PHACTR1: variants seen among roughly 807,000 people sequenced by gnomAD.
The protein encoded by PHACTR1 is phosphatase and actin regulator 1.
Under a neutral mutation model 69.2 loss-of-function variants are expected in PHACTR1, and 16 were observed. That is an observed-to-expected ratio of 0.23 (90% CI 0.16 to 0.35). The LOEUF (loss-of-function observed/expected upper bound fraction) is 0.35, where lower values mean the gene tolerates loss of function less well. Ranked by LOEUF, PHACTR1 falls within the 10% of genes least tolerant of loss-of-function variation. The pLI is 1.00. For synonymous variants in PHACTR1, 312 were observed against 284.5 expected (o/e 1.10, Z -0.97); for missense variants, 510 against 734.7 (o/e 0.69, Z 3.54).
chr6:12,886,074 G>T (rs1308417336), intron 4 of PHACTR1, among the ~76,000 whole-genome samples: 1 of 152,102 alleles, frequency 6.6e-6, no homozygotes, highest in African/African-American at 2.4e-5. Context: ...CAGCGTGGGT[G>T]ACAGGGTGAG....
Position 12,717,597 on chromosome 6 carries a change from G to T in PHACTR1, c.-193G>T, listed in dbSNP as rs1171387729. 6.6e-6 allele frequency: 1 copy of T among 152,116 alleles called. No individual in the cohort carries two copies. The highest frequency in any genetic ancestry group is 1.9e-4 in the East Asian group (1 of 5,192). The allele number at this position is 152,116 out of a possible 1,614,324, so 9.4% of individuals were successfully genotyped here. A position where few individuals can be genotyped will look rare whatever the true frequency, so the allele number is the denominator to read the frequency against. On this transcript the variant is annotated 5_prime_UTR_variant, in exon 2 of 15. Coordinates refer to ENST00000332995, the MANE Select transcript of PHACTR1 (RefSeq NM_030948.6). ...TTTATCTGATAAAGGAAGTCCAGTGGACTGTATGCATTATTCATCACTGTT... is the reference window on the plus strand; with the variant it reads ...TTTATCTGATAAAGGAAGTCCAGTGTACTGTATGCATTATTCATCACTGTT...
At chr6:12,733,274 A>G (rs1405443199) in intron 3 of PHACTR1, among the ~76,000 whole-genome samples, 1 of 152,242 alleles carries the variant, frequency 6.6e-6, no homozygotes, top group Non-Finnish European at 1.5e-5. Flanking sequence ...ACAGGTGGTA[A>G]AACTGAGGCT....
At chr6:12,797,880 C>T (rs1773238768) in intron 4 of PHACTR1, among the ~76,000 whole-genome samples, 1 of 152,130 alleles carries the variant, frequency 6.6e-6, no homozygotes, top group African/African-American at 2.4e-5. Context: ...AATGTCACTT[C>T]ATCAAAGAGG....
chr6:12,755,378 A>C (rs1221575907), intron 4 of PHACTR1, among the ~76,000 whole-genome samples: 1 of 152,158 alleles, frequency 6.6e-6, no homozygotes, highest in African/African-American at 2.4e-5. Flanking sequence ...TTTAGATTTA[A>C]AGTCTCTGAA....
intron 7 of PHACTR1, among the ~76,000 whole-genome samples, 162 bp from the exon 8 acceptor site, chr6:13,205,653 A>G (rs1259120286): frequency 6.6e-6 from 1 of 152,214 alleles, no homozygotes; most frequent in African/African-American, 2.4e-5. Flanking sequence ...GTCAATGGAT[A>G]CTTGCTGAGT....
chr6:12,957,275 A>AT, intron 4 of PHACTR1: 1 of 752,406 alleles, frequency 1.3e-6, no homozygotes, highest in Non-Finnish European at 1.6e-6. Flanking sequence ...AAAAAAAAAA[A>AT]GCCCAGGCTG....
chr6:12,979,572 T>G (rs1238572207), intron 4 of PHACTR1, among the ~76,000 whole-genome samples: 1 of 152,130 alleles, frequency 6.6e-6, no homozygotes, highest in East Asian at 1.9e-4. Flanking sequence ...ACCTTCACAT[T>G]TTCATTGCTT....
intron 5 of PHACTR1, among the ~76,000 whole-genome samples, chr6:13,073,337 T>C (rs1809855227): frequency 9.2e-6 from 1 of 108,460 alleles, no homozygotes; most frequent in Non-Finnish European, 1.9e-5. Flanking sequence ...ATGAATTTTT[T>C]TTTTTTTTTT....
At chr6:12,849,373 G>A (rs1561942682) in intron 4 of PHACTR1, among the ~76,000 whole-genome samples, 1 of 152,208 alleles carries the variant, frequency 6.6e-6, no homozygotes, top group Non-Finnish European at 1.5e-5. Flanking sequence ...GCCAGGAAGA[G>A]AAGGTACCCT....
intron 5 of PHACTR1, among the ~76,000 whole-genome samples, chr6:13,144,631 T>C (rs1002692310): frequency 2.0e-5 from 3 of 151,980 alleles, no homozygotes; most frequent in African/African-American, 7.3e-5. Context: ...CCAAATGTGG[T>C]GGCACATGAC....
chr6:12,930,014 A>G (rs1394963321), intron 4 of PHACTR1, among the ~76,000 whole-genome samples: 1 of 151,744 alleles, frequency 6.6e-6, no homozygotes, highest in Non-Finnish European at 1.5e-5. Flanking sequence ...ATCTTAGTTA[A>G]TCTCCCAACA....
chr6:13,208,508 C>T (rs768376290), intron 8 of PHACTR1, among the ~76,000 whole-genome samples: 2 of 151,930 alleles, frequency 1.3e-5, no homozygotes, highest in Non-Finnish European at 2.9e-5. Context: ...AAAACACTAC[C>T]CTAGGTAGTA....
chr6:12,725,768 T>C (rs1762704688), intron 3 of PHACTR1, among the ~76,000 whole-genome samples: 1 of 152,218 alleles, frequency 6.6e-6, no homozygotes, highest in South Asian at 2.1e-4. Flanking sequence ...TAGCATCTTC[T>C]TGGTGCTTAA....
chr6:13,194,084 G>A (rs1764000585), intron 7 of PHACTR1, among the ~76,000 whole-genome samples: 1 of 152,152 alleles, frequency 6.6e-6, no homozygotes, highest in Non-Finnish European at 1.5e-5. Context: ...ATGATTAGAA[G>A]GACATCTACC....
At chr6:13,212,085 C>G (rs1183357537) in intron 8 of PHACTR1, among the ~76,000 whole-genome samples, 1 of 152,214 alleles carries the variant, frequency 6.6e-6, no homozygotes, top group East Asian at 1.9e-4. Flanking sequence ...GGTCTTCCCT[C>G]TGTGTGTGGT....
At chr6:12,735,493 A>C (rs1040452803) in intron 3 of PHACTR1, among the ~76,000 whole-genome samples, 2 of 152,242 alleles carry the variant, frequency 1.3e-5, no homozygotes, top group South Asian at 4.1e-4. Flanking sequence ...TTTCAAAAGA[A>C]AGAGGGAGCA....
intron 4 of PHACTR1, among the ~76,000 whole-genome samples, chr6:12,800,384 A>G (rs1773556122): frequency 6.6e-6 from 1 of 152,206 alleles, no homozygotes; most frequent in Non-Finnish European, 1.5e-5. Flanking sequence ...CAGGGAGACT[A>G]ACTTTATTTT....
At chr6:13,252,055 A>C (rs1269222977) in intron 10 of PHACTR1, among the ~76,000 whole-genome samples, 2 of 117,878 alleles carry the variant, frequency 1.7e-5, no homozygotes, top group East Asian at 4.9e-4. Context: ...ATCCTGCCTT[A>C]AAAAAAAAAA....
intron 4 of PHACTR1, among the ~76,000 whole-genome samples, chr6:12,751,342 T>A (rs1434457815): frequency 6.6e-6 from 1 of 152,250 alleles, no homozygotes; most frequent in African/African-American, 2.4e-5. Context: ...GTTCCCACTT[T>A]GGAATTGTTA....
Sources: gnomAD v4.1 joint callset for allele counts (sites outside exome capture counted in the v4.1 genomes callset) on GRCh38, gnomAD v4.1.1 for gene constraint, MANE v1.5 for transcripts, NCBI Gene and HGNC (gene_info 2026-07-23, HGNC 2026-07-21) for gene names.